The following IGF1R variants were observed in gnomAD, a reference collection of about 807,000 sequenced individuals.
IGF1R encodes the protein insulin like growth factor 1 receptor, also known as insulin-like growth factor 1 receptor.
A neutral mutation model predicts 144.6 loss-of-function variants in IGF1R; 44 were observed. The observed-to-expected ratio is 0.30, with a 90% CI of 0.24 to 0.39. The LOEUF (loss-of-function observed/expected upper bound fraction) is 0.39. Ranked by LOEUF, IGF1R falls within the 10% of genes least tolerant of loss-of-function variation. The probability of loss-of-function intolerance (pLI) is 1.00; values close to 1 mark genes in which losing one functional copy is unlikely to be tolerated. For missense variants in IGF1R, 1,355 were observed against 1,833.7 expected (o/e 0.74, Z 4.77); for synonymous variants, 795 against 722.8 (o/e 1.10, Z -1.60).
intron 20 of IGF1R, among the ~76,000 whole-genome samples, chr15:98,951,685 A>G (rs1055010098): frequency 2.6e-5 from 4 of 152,204 alleles, no homozygotes; most frequent in African/African-American, 9.6e-5. Context: ...CATAGGTAGT[A>G]TGCCCTGCAT....
At chr15:98,746,525 C>G (rs999395392) in intron 2 of IGF1R, among the ~76,000 whole-genome samples, 3 of 152,078 alleles carry the variant, frequency 2.0e-5, no homozygotes, top group Non-Finnish European at 4.4e-5. Flanking sequence ...ATGAGTCATC[C>G]CGGCAGCCCC....
chr15:98,916,225 C>A, intron 9 of IGF1R, 94 bp downstream of exon 9: 1 of 1,127,016 alleles, frequency 8.9e-7, no homozygotes, highest in Non-Finnish European at 1.3e-6. Context: ...TATCAGACAA[C>A]AGTGTAGTTC....
chr15:98,704,301 G>A lies in IGF1R; in HGVS notation c.95-3261G>A, dbSNP rs904594872. Among the ~76,000 whole-genome samples, 1 of 152,202 alleles carries A rather than the reference G, an allele frequency of 6.6e-6. No individual in the cohort carries two copies. Among genetic ancestry groups the A allele is most frequent in the Non-Finnish European group, 1.5e-5 (1 of 68,040 alleles). On this transcript the variant is annotated intron_variant, in intron 1 of 20. Transcript: ENST00000650285. This position sits in a 1 kb window ranked among gnomAD's most constrained non-coding sequence, Gnocchi z 4.9. ...AGTTGGGGGAATAGTTGAAGCTAAGGTGTTTAGGCAGAGCTCTGAGGAGGT... is the reference window on the plus strand; with the variant it reads ...AGTTGGGGGAATAGTTGAAGCTAAGATGTTTAGGCAGAGCTCTGAGGAGGT...
chr15:98,927,906 G>T (rs555229601), intron 13 of IGF1R, among the ~76,000 whole-genome samples: 1 of 152,052 alleles, frequency 6.6e-6, no homozygotes, highest in Non-Finnish European at 1.5e-5. Flanking sequence ...GTATTTGGAC[G>T]TCCCAGAGAG....
chr15:98,940,632 T>G (rs887288758), intron 18 of IGF1R, among the ~76,000 whole-genome samples: 8 of 152,120 alleles, frequency 5.3e-5, no homozygotes, highest in African/African-American at 1.7e-4. Flanking sequence ...CTTGAACTCC[T>G]GACCTCAGGT....
At chr15:98,821,356 AC>A (rs2141478961) in intron 2 of IGF1R, among the ~76,000 whole-genome samples, 1 of 150,608 alleles carries the variant, frequency 6.6e-6, no homozygotes, top group Admixed American at 6.6e-5. Context: ...GCTGCTTCTT[AC>A]CTCCCTTGGA....
At chr15:98,702,036 T>TTG (rs1249607708) in intron 1 of IGF1R, among the ~76,000 whole-genome samples, 3 of 147,610 alleles carry the variant, frequency 2.0e-5, no homozygotes, top group Admixed American at 1.3e-4. Context: ...TCACGCTGTT[T>TTG]TTTTTTTTTT....
intron 2 of IGF1R, among the ~76,000 whole-genome samples, chr15:98,710,397 GATTCCAT>G (rs547176702): frequency 1.3e-4 from 20 of 152,260 alleles, no homozygotes; most frequent in African/African-American, 4.8e-5. Context: ...GGTTTGCGTA[GATTCCAT>G]TTAGACCTGC....
At chr15:98,840,662 T>C (rs2011157425) in intron 2 of IGF1R, among the ~76,000 whole-genome samples, 1 of 146,866 alleles carries the variant, frequency 6.8e-6, no homozygotes, top group South Asian at 2.1e-4. Context: ...AGGCGGGGTT[T>C]TTGTTTTTTG....
At chr15:98,708,322 G>A (rs192229338) in intron 2 of IGF1R, among the ~76,000 whole-genome samples, 13 of 152,292 alleles carry the variant, frequency 8.5e-5, no homozygotes, top group Non-Finnish European at 1.8e-4. Context: ...CGGGACTGTG[G>A]CGTGGCTGGA....
chr15:98,797,923 A>G (rs1166089718), intron 2 of IGF1R, among the ~76,000 whole-genome samples: 4 of 152,252 alleles, frequency 2.6e-5, no homozygotes, highest in Admixed American at 1.3e-4. Context: ...GGATTCTCAT[A>G]GAAGGCCTTT....
At chr15:98,656,524 G>C (rs1226728679) in intron 1 of IGF1R, among the ~76,000 whole-genome samples, 1 of 152,188 alleles carries the variant, frequency 6.6e-6, no homozygotes, top group African/African-American at 2.4e-5. Flanking sequence ...ACTCCAGCCT[G>C]GGTGACAGAG....
At chr15:98,722,423 G>A (rs1334359974) in intron 2 of IGF1R, among the ~76,000 whole-genome samples, 3 of 152,168 alleles carry the variant, frequency 2.0e-5, no homozygotes, top group African/African-American at 7.2e-5. Context: ...CCCTCGACTC[G>A]TGAATGAGTT....
rs56020698 is a variant in IGF1R, at chr15:98,957,361, C to T, written c.4023C>T (p.Asp1341=). 1.8e-5 allele frequency: 29 copies of T among 1,612,372 alleles called. No individual in the cohort carries two copies. Among genetic ancestry groups the T allele is most frequent in the East Asian group, 6.7e-5 (3 of 44,834 alleles). The part of the protein sequence containing the change: ...PGVLVLRASF[D]ERQPYAHMNG... Reference sequence around the variant, plus strand: ...TGCTGGTCCTCCGCGCCAGCTTCGACGAGAGACAGCCTTACGCCCACATGA... The same window carrying T: ...TGCTGGTCCTCCGCGCCAGCTTCGATGAGAGACAGCCTTACGCCCACATGA... Residue 1341 remains aspartate, a synonymous_variant, in exon 21 of 21, where the codon GAC becomes GAT. Transcript: ENST00000650285.
chr15:98,778,615 C>T (rs762285168), intron 2 of IGF1R, among the ~76,000 whole-genome samples: 2 of 152,194 alleles, frequency 1.3e-5, no homozygotes, highest in Non-Finnish European at 2.9e-5. Context: ...GCCTGGGTGG[C>T]CATATCCTGA....
At chr15:98,930,505 C>T (rs1406511482) in intron 15 of IGF1R, among the ~76,000 whole-genome samples, 200 bp downstream of exon 15, 1 of 151,784 alleles carries the variant, frequency 6.6e-6, no homozygotes, top group Middle Eastern at 3.2e-3. Flanking sequence ...TATGTCAAAA[C>T]TTGTGGGACT....
At chr15:98,894,120 G>A (rs61223045) in intron 3 of IGF1R, among the ~76,000 whole-genome samples, 8,069 of 151,902 alleles carry the variant, frequency 0.053, 374 homozygotes, top group East Asian at 0.14. Context: ...TGTCACCCAG[G>A]CTGGAGTGCA....
intron 2 of IGF1R, among the ~76,000 whole-genome samples, chr15:98,793,397 T>G (rs2141419364): frequency 6.6e-6 from 1 of 152,370 alleles, no homozygotes; most frequent in South Asian, 2.1e-4. Context: ...AGGAGCCAGC[T>G]TATATGTAAT....
intron 2 of IGF1R, among the ~76,000 whole-genome samples, chr15:98,801,609 G>T (rs1336414128): frequency 6.6e-6 from 1 of 152,228 alleles, no homozygotes; most frequent in East Asian, 1.9e-4. Flanking sequence ...CTCAAACAAT[G>T]ATTTCCCCAA....
Sources: gnomAD v4.1 joint callset for allele counts (sites outside exome capture counted in the v4.1 genomes callset) on GRCh38, gnomAD v4.1.1 for gene constraint, Gnocchi (gnomAD v3.1) non-coding constraint, MANE v1.5 for transcripts, NCBI Gene and HGNC (gene_info 2026-07-23, HGNC 2026-07-21) for gene names.